CNKSR3: variants seen among roughly 807,000 people sequenced by gnomAD.
CNKSR3 encodes the protein CNKSR family member 3, also known as connector enhancer of kinase suppressor of ras 3.
A neutral mutation model predicts 67.7 loss-of-function variants in CNKSR3; 36 were observed. The ratio of observed to expected loss-of-function variants is 0.53; its 90% CI spans 0.41 to 0.70. The LOEUF is 0.70. CNKSR3 is among the 30% of genes least tolerant of loss of function. The probability of loss-of-function intolerance (pLI) is 0.00; values close to 1 mark genes in which losing one functional copy is unlikely to be tolerated. For synonymous variants in CNKSR3, 281 were observed against 271.4 expected (o/e 1.04, Z -0.35); for missense variants, 630 against 695.2 (o/e 0.91, Z 1.05).
chr6:154,413,236 T>A (rs1784945943), intron 10 of CNKSR3, among the ~76,000 whole-genome samples: 1 of 152,100 alleles, frequency 6.6e-6, no homozygotes, highest in East Asian at 1.9e-4. Context: ...TTTGTTTTTT[T>A]GTTTTTGAGA....
chr6:154,501,989 A>C (rs1203389684), intron 1 of CNKSR3, among the ~76,000 whole-genome samples: 1 of 152,218 alleles, frequency 6.6e-6, no homozygotes, highest in African/African-American at 2.4e-5. Context: ...AAGCACATGA[A>C]GGGTGACAAT....
chr6:154,493,059 G>A (rs1317021695), intron 1 of CNKSR3, among the ~76,000 whole-genome samples: 1 of 151,978 alleles, frequency 6.6e-6, no homozygotes, highest in East Asian at 1.9e-4. Flanking sequence ...TTAGCTCAAA[G>A]CCCCCCAATA....
intron 1 of CNKSR3, among the ~76,000 whole-genome samples, chr6:154,496,894 G>A (rs571195950): frequency 6.6e-6 from 1 of 152,274 alleles, no homozygotes; most frequent in Admixed American, 6.5e-5. Context: ...AGTGCCTCTA[G>A]GGGAGACGTC....
chr6:154,479,481 G>A (rs1186663283), intron 1 of CNKSR3, among the ~76,000 whole-genome samples: 1 of 152,138 alleles, frequency 6.6e-6, no homozygotes, highest in Non-Finnish European at 1.5e-5. Flanking sequence ...AACAAAGAAA[G>A]AGCATTCAGC....
rs1384727882 is a variant in CNKSR3 at position 154,387,641 on chromosome 6, T to C, written c.*18713A>G. 2 of 152,228 alleles carry C rather than the reference T, an allele frequency of 1.3e-5. No homozygotes were observed. Among genetic ancestry groups the C allele is most frequent in the Non-Finnish European group, 2.9e-5 (2 of 68,040 alleles). The allele number at this position is 152,228 out of a possible 1,614,324, so 9.4% of individuals were successfully genotyped here. A position where few individuals can be genotyped will look rare whatever the true frequency, so the allele number is the denominator to read the frequency against. On this transcript the variant is annotated 3_prime_UTR_variant, in exon 13 of 13. Coordinates refer to ENST00000607772, the MANE Select transcript of CNKSR3 (RefSeq NM_173515.4). ...ACAGATTGCTGCATTTGTAGCCACA[T>C]GAGTCATTCAAAAGTGATATGAACA... is the stretch of plus-strand genomic sequence containing the variant.
chr6:154,444,772 A>C (rs1785673269), intron 2 of CNKSR3, among the ~76,000 whole-genome samples: 1 of 151,972 alleles, frequency 6.6e-6, no homozygotes, highest in Admixed American at 6.6e-5. Context: ...TGCTCAGTTA[A>C]TTTTTGAATT....
At chr6:154,465,502 G>A (rs1331864328) in intron 1 of CNKSR3, among the ~76,000 whole-genome samples, 1 of 152,040 alleles carries the variant, frequency 6.6e-6, no homozygotes, top group Non-Finnish European at 1.5e-5. Flanking sequence ...TGTCCCACCT[G>A]GAGCTGAGGA....
chr6:154,498,432 C>A (rs1786920029), intron 1 of CNKSR3, among the ~76,000 whole-genome samples: 2 of 151,498 alleles, frequency 1.3e-5, no homozygotes, highest in Admixed American at 1.3e-4. Context: ...CTTCATTTGA[C>A]AAGAACAAAA....
chr6:154,486,481 T>C (rs1184682461), intron 1 of CNKSR3, among the ~76,000 whole-genome samples: 2 of 138,510 alleles, frequency 1.4e-5, no homozygotes, highest in African/African-American at 6.7e-5. Context: ...TTTATTTTAT[T>C]TTATTTTATT....
chr6:154,488,335 A>T (rs1786719561), intron 1 of CNKSR3, among the ~76,000 whole-genome samples: 2 of 152,144 alleles, frequency 1.3e-5, no homozygotes, highest in Admixed American at 1.3e-4. Flanking sequence ...TTCTTCTTAG[A>T]TTTCTTCCTG....
chr6:154,422,385 G>A (rs947358113), intron 9 of CNKSR3, 121 bp downstream of exon 9: 2 of 903,970 alleles, frequency 2.2e-6, no homozygotes, highest in Non-Finnish European at 3.5e-6. Flanking sequence ...AGGAGTATAG[G>A]ATAATTACAT....
chr6:154,437,925 T>C (rs1340800773), intron 4 of CNKSR3, among the ~76,000 whole-genome samples: 1 of 152,190 alleles, frequency 6.6e-6, no homozygotes, highest in Non-Finnish European at 1.5e-5. Flanking sequence ...CAAATTTGAT[T>C]CCAGAAAACA....
At position 154,392,498 on chromosome 6, in the gene CNKSR3, C is replaced by A. The variant is rs1257708444; in HGVS notation, c.*13856G>T. 6.6e-6 allele frequency: 1 copy of A among 152,228 alleles called. No homozygotes were observed. Among genetic ancestry groups the A allele is most frequent in the East Asian group, 1.9e-4 (1 of 5,188 alleles). The allele number at this position is 152,228 out of a possible 1,614,324, so 9.4% of individuals were successfully genotyped here. A position where few individuals can be genotyped will look rare whatever the true frequency, so the allele number is the denominator to read the frequency against. On this transcript the variant is annotated 3_prime_UTR_variant, in exon 13 of 13. Coordinates refer to ENST00000607772, the MANE Select transcript of CNKSR3 (RefSeq NM_173515.4). Reference sequence around the variant, plus strand: ...AAAAGCAGTAGAAGGAGTGCAGGTCCCCTGCTGTCAATTTCATCTGGGGCA... The same window carrying A: ...AAAAGCAGTAGAAGGAGTGCAGGTCACCTGCTGTCAATTTCATCTGGGGCA...
At chr6:154,414,992 G>A (rs112449962) in intron 9 of CNKSR3, among the ~76,000 whole-genome samples, 3,124 of 150,842 alleles carry the variant, frequency 0.021, 106 homozygotes, top group African/African-American at 0.068. Context: ...CAGCTACTTG[G>A]GATGATGAGA....
intron 3 of CNKSR3, 72 bp from the exon 4 acceptor site, chr6:154,441,451 G>A: frequency 2.2e-5 from 24 of 1,073,278 alleles, no homozygotes; most frequent in Non-Finnish European, 3.2e-5. Flanking sequence ...ATGTTGGTAA[G>A]CATAGCTACC....
intron 1 of CNKSR3, among the ~76,000 whole-genome samples, chr6:154,482,923 G>A (rs1786593793): frequency 1.3e-5 from 2 of 152,186 alleles, no homozygotes; most frequent in Non-Finnish European, 2.9e-5. Context: ...TAATATTCCT[G>A]TGATGACCGA....
Position 154,441,373 on chromosome 6 carries a change from C to T in CNKSR3, c.426G>A (p.Pro142=), listed in dbSNP as rs767036198. The T allele has an allele frequency of 2.8e-5, 45 of 1,613,082 alleles. No individual in the cohort carries two copies. The highest frequency in any genetic ancestry group is 1.8e-4 in the South Asian group (16 of 91,076). ...CTGAGAAATCAGTGATCCCTGTAAACGGAGCCCTAGAAGGTAGCAACAATC... is the reference window on the plus strand; with the variant it reads ...CTGAGAAATCAGTGATCCCTGTAAATGGAGCCCTAGAAGGTAGCAACAATC... ...KALLAWLDRA[P]FTGITDFSVT... The change falls in exon 4 of 13, where the codon CCG becomes CCA. Residue 142 remains proline, a synonymous_variant. Transcript: ENST00000607772.
Position 154,399,798 on chromosome 6 carries a change from T to TG in CNKSR3, c.*6555_*6556insC, listed in dbSNP as rs1784697203. 3 of 152,078 alleles carry TG rather than the reference T, an allele frequency of 2.0e-5. No individual in the cohort carries two copies. The highest frequency in any genetic ancestry group is 2.9e-5 in the Non-Finnish European group (2 of 68,014). 9.4% of individuals were successfully genotyped at this position (152,078 alleles called of 1,614,324 possible). On this transcript the variant is annotated 3_prime_UTR_variant, in exon 13 of 13. Transcript: ENST00000607772. ...GAAGCTCCCTGATTCTCTAAAATAA[T>TG]CAAAATGTTCAGCCCAAGATATGTC...
intron 12 of CNKSR3, among the ~76,000 whole-genome samples, chr6:154,409,419 G>C (rs928671329): frequency 3.3e-5 from 5 of 152,116 alleles, no homozygotes; most frequent in African/African-American, 1.2e-4. Context: ...TTTGATTACA[G>C]GGTGAATTAA....
Sources: allele counts gnomAD v4.1 joint callset (sites outside exome capture counted in the v4.1 genomes callset), GRCh38; gene constraint gnomAD v4.1.1; transcripts MANE v1.5; gene names NCBI Gene and HGNC (gene_info 2026-07-23, HGNC 2026-07-21).